Variants in PAX1 observed in about 807,000 individuals in gnomAD.
PAX1 encodes paired box 1, also known as paired box protein Pax-1.
In PAX1, 18 loss-of-function variants were observed where a neutral mutation model predicts 35.6. The observed-to-expected ratio is 0.50, with a 90% CI of 0.35 to 0.75. PAX1 has a LOEUF of 0.75. PAX1 is among the 30% of genes least tolerant of loss of function. The pLI is 0.01. For synonymous variants in PAX1, 397 were observed against 305.2 expected (o/e 1.30, Z -3.14); for missense variants, 760 against 661.5 (o/e 1.15, Z -1.63).
In PAX1 at chr20:21,709,369, C is replaced by A; in HGVS notation, c.1207C>A (p.Pro403Thr). Residue 403 changes from proline (P) to threonine (T), a missense_variant, in exon 4 of 5, where the codon CCC (proline) becomes ACC (threonine). Coordinates refer to ENST00000613128, the MANE Select transcript of PAX1 (RefSeq NM_001257096.2). Reference sequence around the variant, plus strand: ...GCCTGCGCAAGGTCCTCCTCTGGCGCCCCCCGGGGCCGGCGTAGCTGTGCA... The same window carrying A: ...GCCTGCGCAAGGTCCTCCTCTGGCGACCCCCGGGGCCGGCGTAGCTGTGCA... Reference protein sequence around the residue: ...WPPAQGPPLAPPGAGVAVHGG... With the variant: ...WPPAQGPPLATPGAGVAVHGG... The A allele has an allele frequency of 6.4e-7, 1 of 1,570,716 alleles. No individual in the cohort carries two copies. The highest frequency in any genetic ancestry group is 8.6e-7 in the Non-Finnish European group (1 of 1,162,196).
rs1600330396 is a variant in PAX1, at chr20:21,715,034, CTT to C, written c.*475_*476del. 1 of 615,296 alleles carries C rather than the reference CTT, an allele frequency of 1.6e-6. No homozygotes were observed. The highest frequency in any genetic ancestry group is 2.8e-5 in the East Asian group (1 of 36,188). 38.1% of individuals were successfully genotyped at this position (615,296 alleles called of 1,614,324 possible). A position where few individuals can be genotyped will look rare whatever the true frequency, so the allele number is the denominator to read the frequency against. On this transcript the variant is annotated 3_prime_UTR_variant, in exon 5 of 5. Transcript: ENST00000613128. ...AGGGCTCCCTCTGCCCTTCCACTCT[CTT>C]TTCCTTGCTCCGACCTCTGCTCCAG...
At position 21,706,407 on chromosome 20, in the gene PAX1, T is replaced by G. The variant is rs758695597; in HGVS notation, c.287-31T>G. The G allele has an allele frequency of 1.7e-4, 273 of 1,609,468 alleles. No individual in the cohort carries two copies. Among genetic ancestry groups the G allele is most frequent in the East Asian group, 7.6e-4 (34 of 44,830 alleles). ...TAACCCGCCGGGTGTTTTCTCCCCC[T>G]CCGGCTCACTCTTGTCTGGCGCATC... On this transcript the variant is annotated intron_variant, in intron 1 of 4. Transcript: ENST00000613128. The surrounding 1 kb of genome is among the most constrained non-coding windows in gnomAD (Gnocchi z 5.3).
Position 21,705,870 on chromosome 20 carries a change from C to G in PAX1, c.158C>G (p.Ser53Trp). 2 of 1,392,828 alleles carry G rather than the reference C, an allele frequency of 1.4e-6. No individual in the cohort carries two copies. Among genetic ancestry groups the G allele is most frequent in the Non-Finnish European group, 1.9e-6 (2 of 1,070,498 alleles). 86.3% of individuals were successfully genotyped at this position (1,392,828 alleles called of 1,614,324 possible). ...PRLGRRGSRL[S>W]GALPLCLSRG... ...CTGGGCCGCCGCGGCTCTCGGCTCTCGGGCGCCCTCCCTCTATGCCTCTCA... is the reference window on the plus strand; with the variant it reads ...CTGGGCCGCCGCGGCTCTCGGCTCTGGGGCGCCCTCCCTCTATGCCTCTCA... The change falls in exon 1 of 5, where the codon TCG (serine) becomes TGG (tryptophan). Residue 53 changes from serine (S) to tryptophan (W), a missense_variant. By Grantham distance (177) the Ser-to-Trp change is radical. This residue lies in a region of PAX1 where 222 missense variants were observed against 153.0 expected (regional missense o/e 1.45). Transcript: ENST00000613128.
In PAX1 at chr20:21,715,237, A is replaced by C; in HGVS notation, c.*675A>C. On this transcript the variant is annotated 3_prime_UTR_variant, in exon 5 of 5. Transcript: ENST00000613128. ...CTCAGTCCCTGAGAGCCCTAGAGCC[A>C]TCTCGGTGACAGTCCCTTCTCTGGC... The C allele has an allele frequency of 5.6e-6, 1 of 180,090 alleles. No individual in the cohort carries two copies. Among genetic ancestry groups the C allele is most frequent in the Non-Finnish European group, 1.1e-5 (1 of 87,090 alleles). 11.2% of individuals were successfully genotyped at this position (180,090 alleles called of 1,614,324 possible). A position where few individuals can be genotyped will look rare whatever the true frequency, so the allele number is the denominator to read the frequency against.
In PAX1 at chr20:21,714,757, T is replaced by A. The variant is rs1433457845; in HGVS notation, c.*195T>A. 2 of 1,602,164 alleles carry A rather than the reference T, an allele frequency of 1.2e-6. No homozygotes were observed. The highest frequency in any genetic ancestry group is 1.7e-6 in the Non-Finnish European group (2 of 1,179,880). On this transcript the variant is annotated 3_prime_UTR_variant, in exon 5 of 5. Coordinates refer to ENST00000613128, the MANE Select transcript of PAX1 (RefSeq NM_001257096.2). ...TGCCTCTGGCCGGACCCACCACACT[T>A]CCTTTATTGGTCTGGGTTTTTAGGC...
At position 21,706,849 on chromosome 20, in the gene PAX1, C is replaced by G; in HGVS notation, c.698C>G (p.Pro233Arg). ...NKIGSLAQPG[P>R]YEASKQPPSQ... Reference sequence around the variant, plus strand: ...ATCGGCAGCCTGGCGCAGCCCGGACCGTACGAGGCAAGTAAGCAGCCGCCG... The same window carrying G: ...ATCGGCAGCCTGGCGCAGCCCGGACGGTACGAGGCAAGTAAGCAGCCGCCG... The change falls in exon 2 of 5, where the codon CCG becomes CGG. Residue 233 changes from proline to arginine, a missense_variant. By Grantham distance (103) the Pro-to-Arg change is moderately radical. Coordinates refer to ENST00000613128, the MANE Select transcript of PAX1 (RefSeq NM_001257096.2). This position sits in a 1 kb window ranked among gnomAD's most constrained non-coding sequence, Gnocchi z 5.3. The G allele has an allele frequency of 1.2e-6, 2 of 1,613,372 alleles. No individual in the cohort carries two copies. The highest frequency in any genetic ancestry group is 1.7e-6 in the Non-Finnish European group (2 of 1,180,018).
Position 21,714,636 on chromosome 20 carries a change from C to T in PAX1, c.*74C>T, listed in dbSNP as rs189207240. The stretch of plus-strand genomic sequence containing the variant: ...GGGCGCACAGGTCTGCGCGGCGGCC[C>T]CGGCAATCGGCACGGGCAGGATCGG... On this transcript the variant is annotated 3_prime_UTR_variant, in exon 5 of 5. Transcript: ENST00000613128. The T allele has an allele frequency of 6.1e-5, 96 of 1,577,776 alleles. 1 individual carries two copies. The African/African-American group carries it at 1.1e-3, about 18-fold the overall frequency.
At position 21,709,463 on chromosome 20, in the gene PAX1, G is replaced by C; in HGVS notation, c.1282+19G>C. Reference sequence around the variant, plus strand: ...CGAGAAGGTGAGGAGCGCAGGGAGTGGGGCGGGTGGATGCTGGAAGGGTTA... The same window carrying C: ...CGAGAAGGTGAGGAGCGCAGGGAGTCGGGCGGGTGGATGCTGGAAGGGTTA... On this transcript the variant is annotated intron_variant, in intron 4 of 4. Transcript: ENST00000613128. 8 of 1,495,438 alleles carry C rather than the reference G, an allele frequency of 5.3e-6. No individual in the cohort carries two copies. The highest frequency in any genetic ancestry group is 7.1e-6 in the Non-Finnish European group (8 of 1,123,486). The allele number at this position is 1,495,438 out of a possible 1,614,324, so 92.6% of individuals were successfully genotyped here.
Position 21,709,244 on chromosome 20 carries a change from TG to T in PAX1, c.1085del (p.Gly362AlafsTer47). 1 of 1,606,612 alleles carries T rather than the reference TG, an allele frequency of 6.2e-7. No individual in the cohort carries two copies. On this transcript the variant is annotated frameshift_variant, in exon 4 of 5. Coordinates refer to ENST00000613128, the MANE Select transcript of PAX1 (RefSeq NM_001257096.2). LOFTEE classifies it high-confidence loss of function. ...YTQSASTLSA[V>X]GGFLPACAYP... ...CAGTCGGCCTCCACCCTCTCTGCCG[TG>T]GGCGGCTTTCTCCCCGCCTGCGCCT...
Position 21,706,074 on chromosome 20 carries a change from G to A in PAX1, c.286+76G>A. The A allele has an allele frequency of 8.0e-7, 1 of 1,242,398 alleles. No homozygotes were observed. The highest frequency in any genetic ancestry group is 1.1e-6 in the Non-Finnish European group (1 of 911,972). 77.0% of individuals were successfully genotyped at this position (1,242,398 alleles called of 1,614,324 possible). On this transcript the variant is annotated intron_variant, in intron 1 of 4. Coordinates refer to ENST00000613128, the MANE Select transcript of PAX1 (RefSeq NM_001257096.2). The surrounding 1 kb of genome is among the most constrained non-coding windows in gnomAD (Gnocchi z 5.3). ...GGTCCGCCTGCCTCCCTTCCCTCTC[G>A]TCCGCTTTCCCTGGGCGACCCAGTC...
chr20:21,709,171 C>G (rs1985111213), intron 3 of PAX1, 51 bp from the exon 4 acceptor site: 1 of 1,371,230 alleles, frequency 7.3e-7, no homozygotes, highest in South Asian at 1.2e-5. Context: ...ATGGCGTGGG[C>G]TAGAGAAGGC....
chr20:21,713,843 GA>G (rs1208523598), intron 4 of PAX1, among the ~76,000 whole-genome samples: 1 of 152,254 alleles, frequency 6.6e-6, no homozygotes, highest in African/African-American at 2.4e-5. Flanking sequence ...AGCGCATCTG[GA>G]TCCCCGGACC....
At position 21,717,802 on chromosome 20, in the gene PAX1, A is replaced by G. The variant is rs1985420995; in HGVS notation, c.*3240A>G. 1 of 152,236 alleles carries G rather than the reference A, an allele frequency of 6.6e-6. No homozygotes were observed. The highest frequency in any genetic ancestry group is 2.4e-5 in the African/African-American group (1 of 41,464). The allele number at this position is 152,236 out of a possible 1,614,324, so 9.4% of individuals were successfully genotyped here. Reference sequence around the variant, plus strand: ...AGAATAGAAATAATATATGCGTATCACTAAAAAACTCAAGCAGTACAGAAA... The same window carrying G: ...AGAATAGAAATAATATATGCGTATCGCTAAAAAACTCAAGCAGTACAGAAA... On this transcript the variant is annotated 3_prime_UTR_variant, in exon 5 of 5. Coordinates refer to ENST00000613128, the MANE Select transcript of PAX1 (RefSeq NM_001257096.2).
At chr20:21,709,929 C>T (rs1188040820) in intron 4 of PAX1, among the ~76,000 whole-genome samples, 1 of 152,062 alleles carries the variant, frequency 6.6e-6, no homozygotes, top group Non-Finnish European at 1.5e-5. Flanking sequence ...CCCGTCTCTG[C>T]CCCACTGCCC....
chr20:21,713,993 C>A (rs1308137487), intron 4 of PAX1, among the ~76,000 whole-genome samples: 1 of 152,244 alleles, frequency 6.6e-6, no homozygotes, highest in African/African-American at 2.4e-5. Context: ...CTCCGAGCCG[C>A]GGGTGTCAGC....
At position 21,717,768 on chromosome 20, in the gene PAX1, T is replaced by G. The variant is rs1985419378; in HGVS notation, c.*3206T>G. 6.6e-6 allele frequency: 1 copy of G among 152,184 alleles called. No individual in the cohort carries two copies. The highest frequency in any genetic ancestry group is 2.4e-5 in the African/African-American group (1 of 41,442). 9.4% of individuals were successfully genotyped at this position (152,184 alleles called of 1,614,324 possible). A position where few individuals can be genotyped will look rare whatever the true frequency, so the allele number is the denominator to read the frequency against. On this transcript the variant is annotated 3_prime_UTR_variant, in exon 5 of 5. Coordinates refer to ENST00000613128, the MANE Select transcript of PAX1 (RefSeq NM_001257096.2). Reference sequence around the variant, plus strand: ...AAGACATAATCAGATAGCCCTCTGATTTTTTGAAAGAATAGAAATAATATA... The same window carrying G: ...AAGACATAATCAGATAGCCCTCTGAGTTTTTGAAAGAATAGAAATAATATA...
rs758286071 is a variant in PAX1, at chr20:21,714,829, TGCTCTGACGTG to T, written c.*270_*280del. ...ACTGCCGTACCCTCCTCACAATCCT[TGCTCTGACGTG>T]GCCTCCTTCGCTCTGCCAGCTTCAA... On this transcript the variant is annotated 3_prime_UTR_variant, in exon 5 of 5. Transcript: ENST00000613128. 4.9e-5 allele frequency: 78 copies of T among 1,576,156 alleles called. No homozygotes were observed. Among genetic ancestry groups the T allele is most frequent in the Non-Finnish European group, 6.9e-6 (8 of 1,158,614 alleles).
In PAX1 at chr20:21,706,355, C is replaced by T. The variant is rs1464979043; in HGVS notation, c.287-83C>T. The T allele has an allele frequency of 1.3e-6, 2 of 1,559,766 alleles. No homozygotes were observed. The highest frequency in any genetic ancestry group is 1.8e-6 in the Non-Finnish European group (2 of 1,142,558). On this transcript the variant is annotated intron_variant, in intron 1 of 4. Transcript: ENST00000613128. The surrounding 1 kb of genome is among the most constrained non-coding windows in gnomAD (Gnocchi z 5.3). ...CTTTGGAAGTGCGCCTGGGTGCAGT[C>T]CCTCGCTCCGCGTGGGGACCCTTGG...
intron 2 of PAX1, among the ~76,000 whole-genome samples, chr20:21,707,564 G>T (rs1985058835): frequency 6.6e-6 from 1 of 152,152 alleles, no homozygotes; most frequent in Admixed American, 6.5e-5. Flanking sequence ...CCTGGAGTTT[G>T]CGGTGATGGC....
Sources: allele counts gnomAD v4.1 joint callset (sites outside exome capture counted in the v4.1 genomes callset), GRCh38; gene constraint gnomAD v4.1.1; regional missense constraint gnomAD v4.1.1; non-coding constraint Gnocchi (gnomAD v3.1); transcripts MANE v1.5; gene names NCBI Gene and HGNC (gene_info 2026-07-23, HGNC 2026-07-21).